GRM1: variants seen among roughly 807,000 people sequenced by gnomAD.
GRM1 encodes the protein metabotropic glutamate receptor 1.
GRM1 carries 33 observed loss-of-function variants against 90.9 expected under a neutral mutation model. The ratio of observed to expected loss-of-function variants is 0.36; its 90% CI spans 0.28 to 0.49. The LOEUF (loss-of-function observed/expected upper bound fraction) is 0.49, where lower values mean the gene tolerates loss of function less well. Among genes scored for constraint, GRM1 ranks in the 20% least tolerant of loss-of-function variants. The probability of loss-of-function intolerance (pLI) is 0.99; values close to 1 mark genes in which losing one functional copy is unlikely to be tolerated. For missense variants in GRM1, 1,190 were observed against 1,534.3 expected (o/e 0.78, Z 3.75); for synonymous variants, 700 against 613.2 (o/e 1.14, Z -2.09).
Position 146,067,753 on chromosome 6 carries a change from A to C in GRM1, c.700+37536A>C, listed in dbSNP as rs532023224. Among the ~76,000 whole-genome samples, 3 of 152,326 alleles carry C rather than the reference A, an allele frequency of 2.0e-5. No homozygotes were observed. The South Asian group carries it at 6.2e-4, about 32-fold the overall frequency. On this transcript the variant is annotated intron_variant, in intron 1 of 7. Coordinates refer to ENST00000282753, the MANE Select transcript of GRM1 (RefSeq NM_001278064.2). ...TAAAAAAACAAAACAAAACAACAAA[A>C]TAAGTTTCCAAAGATAAAGACTTTG... is the stretch of plus-strand genomic sequence containing the variant.
At chr6:146,208,398 A>T (rs1779567153) in intron 2 of GRM1, among the ~76,000 whole-genome samples, 1 of 152,188 alleles carries the variant, frequency 6.6e-6, no homozygotes, top group African/African-American at 2.4e-5. Flanking sequence ...GAAGCAGTAA[A>T]AATTGTTTTA....
intron 7 of GRM1, among the ~76,000 whole-genome samples, chr6:146,428,842 C>T (rs1462094623): frequency 6.6e-6 from 1 of 152,126 alleles, no homozygotes; most frequent in African/African-American, 2.4e-5. Flanking sequence ...CATCAGAATT[C>T]TATTCTTTAA....
chr6:146,254,638 G>A (rs537357228), intron 2 of GRM1, among the ~76,000 whole-genome samples: 1 of 152,040 alleles, frequency 6.6e-6, no homozygotes, highest in Admixed American at 6.6e-5. Context: ...TACCATATAT[G>A]TTGCTCTGTT....
Position 146,181,008 on chromosome 6 carries a change from C to T in GRM1, c.950+21411C>T, listed in dbSNP as rs142728883. Reference sequence around the variant, plus strand: ...ACTTAAAACCCATAGGATTATGAAACGTATAATTATAAGAGAAATTCTGCT... The same window carrying T: ...ACTTAAAACCCATAGGATTATGAAATGTATAATTATAAGAGAAATTCTGCT... On this transcript the variant is annotated intron_variant, in intron 2 of 7. Coordinates refer to ENST00000282753, the MANE Select transcript of GRM1 (RefSeq NM_001278064.2). Among the ~76,000 whole-genome samples, 394 of 152,066 alleles carry T rather than the reference C, an allele frequency of 2.6e-3. 4 individuals are homozygous for T. The highest frequency in any genetic ancestry group is 0.017 in the East Asian group (87 of 5,172).
At chr6:146,093,008 G>T (rs551478897) in intron 1 of GRM1, among the ~76,000 whole-genome samples, 1 of 152,140 alleles carries the variant, frequency 6.6e-6, no homozygotes, top group East Asian at 1.9e-4. Flanking sequence ...AAGAACATGG[G>T]GTGAGCAGGA....
At chr6:146,111,116 A>G (rs886418790) in intron 1 of GRM1, among the ~76,000 whole-genome samples, 1 of 152,248 alleles carries the variant, frequency 6.6e-6, no homozygotes, top group East Asian at 1.9e-4. Context: ...AAAGTTCACA[A>G]GAAGTTCCAG....
At position 146,056,932 on chromosome 6, in the gene GRM1, TCAC is replaced by T. The variant is rs564110512; in HGVS notation, c.700+26718_700+26720del. Among the ~76,000 whole-genome samples, 45 of 152,304 alleles carry T rather than the reference TCAC, an allele frequency of 3.0e-4. 2 individuals are homozygous for T. In the South Asian group the frequency reaches 9.1e-3, roughly 31 times the overall value. ...CTGTAGTAAACATATTAATAAGCTC[TCAC>T]CAGAAGAACTGTGAACAGATGCAGT... On this transcript the variant is annotated intron_variant, in intron 1 of 7. Transcript: ENST00000282753.
rs563895504 is a variant in GRM1, at chr6:146,057,744, C to T, written c.700+27527C>T. On this transcript the variant is annotated intron_variant, in intron 1 of 7. Coordinates refer to ENST00000282753, the MANE Select transcript of GRM1 (RefSeq NM_001278064.2). Reference sequence around the variant, plus strand: ...TTTAAACCATGTCTTATTTCTCAACCATTTAATTAATTTGTGACACTGAGT... The same window carrying T: ...TTTAAACCATGTCTTATTTCTCAACTATTTAATTAATTTGTGACACTGAGT... 5.3e-5 allele frequency among the ~76,000 whole-genome samples: 8 copies of T among 152,174 alleles called. 1 individual carries two copies. In the South Asian group the frequency reaches 1.7e-3, roughly 32 times the overall value.
At chr6:146,132,828 G>C (rs1294877174) in intron 1 of GRM1, among the ~76,000 whole-genome samples, 2 of 152,124 alleles carry the variant, frequency 1.3e-5, no homozygotes, top group Non-Finnish European at 2.9e-5. Context: ...TCCTTTGCAG[G>C]TCTCACTCTT....
In GRM1 at chr6:146,304,768, G is replaced by A; in HGVS notation, c.1108G>A (p.Glu370Lys). The change falls in exon 3 of 8, where the codon GAG becomes AAG. Residue 370 changes from glutamate (E) to lysine (K), a missense_variant. By Grantham distance (56) the Glu-to-Lys change is moderately conservative. Around this residue, in one of 10 missense-constraint regions of GRM1, gnomAD observed 414 missense variants for 598.4 expected, o/e 0.69. Transcript: ENST00000282753. Reference sequence around the variant, plus strand: ...TAACACGAGGAATCCCTGGTTCCCTGAGTTCTGGCAACATCGGTTCCAGTG... The same window carrying A: ...TAACACGAGGAATCCCTGGTTCCCTAAGTTCTGGCAACATCGGTTCCAGTG... ...DTNTRNPWFP[E>K]FWQHRFQCRL... 6.2e-7 allele frequency: 1 copy of A among 1,614,040 alleles called. No individual in the cohort carries two copies.
At chr6:146,368,636 C>T (rs952620330) in intron 5 of GRM1, among the ~76,000 whole-genome samples, 9 of 151,670 alleles carry the variant, frequency 5.9e-5, no homozygotes, top group African/African-American at 1.9e-4. Flanking sequence ...ATGATCATAT[C>T]GTTTTTGTTC....
At chr6:146,060,004 A>G (rs1172595147) in intron 1 of GRM1, among the ~76,000 whole-genome samples, 2 of 152,096 alleles carry the variant, frequency 1.3e-5, no homozygotes, top group African/African-American at 4.8e-5. Context: ...AGGCTGTTTC[A>G]CTTTCTTATC....
intron 2 of GRM1, among the ~76,000 whole-genome samples, chr6:146,183,060 C>T (rs1485017090): frequency 6.6e-6 from 1 of 152,108 alleles, no homozygotes; most frequent in Non-Finnish European, 1.5e-5. Flanking sequence ...CTCATGAGGT[C>T]TTCTAAGATT....
intron 1 of GRM1, among the ~76,000 whole-genome samples, chr6:146,124,128 A>G (rs1776107054): frequency 6.6e-6 from 1 of 152,214 alleles, no homozygotes; most frequent in Non-Finnish European, 1.5e-5. Flanking sequence ...TGCAAATTCA[A>G]TATTTTTCCA....
intron 2 of GRM1, among the ~76,000 whole-genome samples, chr6:146,187,104 C>G (rs1778762201): frequency 6.6e-6 from 1 of 152,164 alleles, no homozygotes; most frequent in African/African-American, 2.4e-5. Flanking sequence ...AAAGACTACC[C>G]TGCTTCTTTT....
intron 7 of GRM1, among the ~76,000 whole-genome samples, chr6:146,430,420 G>C (rs1204095283): frequency 6.6e-6 from 1 of 152,178 alleles, no homozygotes; most frequent in African/African-American, 2.4e-5. Flanking sequence ...TCAAATATAA[G>C]ATTGATTTAG....
chr6:146,345,736 G>A (rs1264302194), intron 3 of GRM1, among the ~76,000 whole-genome samples: 1 of 152,186 alleles, frequency 6.6e-6, no homozygotes, highest in African/African-American at 2.4e-5. Flanking sequence ...TTCTTAGAGT[G>A]TGGGAGAGGC....
chr6:146,105,681 G>C (rs1217034002), intron 1 of GRM1, among the ~76,000 whole-genome samples: 1 of 152,030 alleles, frequency 6.6e-6, no homozygotes, highest in Non-Finnish European at 1.5e-5. Context: ...TTTTAGCATA[G>C]TATATGTATT....
intron 1 of GRM1, among the ~76,000 whole-genome samples, chr6:146,109,732 G>A (rs1040160620): frequency 7.9e-5 from 12 of 152,158 alleles, no homozygotes; most frequent in South Asian, 2.1e-4. Context: ...TCCGGCCCAC[G>A]AAAACAGCCA....
Sources: gnomAD v4.1 joint callset for allele counts (sites outside exome capture counted in the v4.1 genomes callset) on GRCh38, gnomAD v4.1.1 for gene constraint, gnomAD v4.1.1 regional missense constraint, MANE v1.5 for transcripts, NCBI Gene and HGNC (gene_info 2026-07-23, HGNC 2026-07-21) for gene names.